KIF3B: variants seen among roughly 807,000 people sequenced by gnomAD.
KIF3B encodes the protein kinesin-like protein KIF3B.
KIF3B carries 38 observed loss-of-function variants against 74.3 expected under a neutral mutation model. That is an observed-to-expected ratio of 0.51 (90% CI 0.39 to 0.67). The LOEUF (loss-of-function observed/expected upper bound fraction) is 0.67, where lower values mean the gene tolerates loss of function less well. Among genes scored for constraint, KIF3B ranks in the 30% least tolerant of loss-of-function variants. The pLI is 0.00. For missense variants in KIF3B, 649 were observed against 932.0 expected, an observed-to-expected ratio of 0.70 and a Z score of 3.95; for synonymous variants, 326 against 342.5, an observed-to-expected ratio of 0.95 and a Z score of 0.53.
chr20:32,312,618 C>T (rs1382784128), intron 2 of KIF3B, among the ~76,000 whole-genome samples: 2 of 152,110 alleles, frequency 1.3e-5, no homozygotes, highest in Non-Finnish European at 2.9e-5. Context: ...TGCAACATTA[C>T]GTTCATGAGA....
intron 4 of KIF3B, 26 bp from the exon 5 acceptor site, chr20:32,316,730 C>A: frequency 6.2e-7 from 1 of 1,612,948 alleles, no homozygotes; most frequent in Non-Finnish European, 8.5e-7. Context: ...AGACACCCTC[C>A]TCACCTGCCT....
intron 2 of KIF3B, among the ~76,000 whole-genome samples, chr20:32,311,480 A>C (rs2047800632): frequency 0.4 from 4 of 10 alleles, 2 homozygotes; most frequent in Non-Finnish European, 1. Flanking sequence ...CGGGCGGATC[A>C]CGAGGTCAGG....
In KIF3B at chr20:32,297,676, A is replaced by G. The variant is rs150058879; in HGVS notation, c.-65-12037A>G. On this transcript the variant is annotated intron_variant, in intron 1 of 8. Coordinates refer to ENST00000375712, the MANE Select transcript of KIF3B (RefSeq NM_004798.4). ...TGTCTACAAGAGCCAGCCAGGAAGTATAAATGAGCAAAGCATGCTAGATAT... is the reference window on the plus strand; with the variant it reads ...TGTCTACAAGAGCCAGCCAGGAAGTGTAAATGAGCAAAGCATGCTAGATAT... Among the ~76,000 whole-genome samples the G allele has an allele frequency of 4.4e-3, 675 of 152,260 alleles. 6 individuals carry two copies. The highest frequency in any genetic ancestry group is 0.015 in the African/African-American group (620 of 41,546).
intron 1 of KIF3B, among the ~76,000 whole-genome samples, chr20:32,302,437 A>G (rs1170019339): frequency 2.6e-5 from 4 of 152,150 alleles, no homozygotes; most frequent in African/African-American, 4.8e-5. Flanking sequence ...CTTTGTTTCT[A>G]TCATTTTGGA....
chr20:32,332,671 G>A lies in KIF3B; in HGVS notation c.*1352G>A, dbSNP rs989125552. 7 of 152,188 alleles carry A rather than the reference G, an allele frequency of 4.6e-5. No individual in the cohort carries two copies. Among genetic ancestry groups the A allele is most frequent in the Non-Finnish European group, 8.8e-5 (6 of 68,048 alleles). 9.4% of individuals were successfully genotyped at this position (152,188 alleles called of 1,614,324 possible). A position where few individuals can be genotyped will look rare whatever the true frequency, so the allele number is the denominator to read the frequency against. On this transcript the variant is annotated 3_prime_UTR_variant, in exon 9 of 9. Transcript: ENST00000375712. ...CAAGAGAAGCTCATAAGTGTGTGTGGGTGTGAGAGCACGATGGTGCCTGTG... is the reference window on the plus strand; with the variant it reads ...CAAGAGAAGCTCATAAGTGTGTGTGAGTGTGAGAGCACGATGGTGCCTGTG...
intron 2 of KIF3B, among the ~76,000 whole-genome samples, chr20:32,314,722 C>T (rs972679648): frequency 1.3e-5 from 2 of 152,092 alleles, no homozygotes; most frequent in Non-Finnish European, 2.9e-5. Flanking sequence ...TTTTGGGGTC[C>T]CATACTTTTT....
At position 32,330,270 on chromosome 20, in the gene KIF3B, G is replaced by C; in HGVS notation, c.2098G>C (p.Val700Leu). ...TCTGCAGGATGAAGATGAGATACAGGTGGATGCATCATCATTTGAAAGCAC... is the reference window on the plus strand; with the variant it reads ...TCTGCAGGATGAAGATGAGATACAGCTGGATGCATCATCATTTGAAAGCAC... ...AALQDEDEIQ[V>L]DASSFESTAN... is the part of the protein sequence containing the mutation. The change falls in exon 8 of 9, where the codon GTG becomes CTG. Residue 700 changes from valine (V) to leucine (L), a missense_variant. Physicochemically the swap from Val to Leu is conservative, Grantham distance 32. This residue lies in a region of KIF3B where 186 missense variants were observed against 198.5 expected (regional missense o/e 0.94). Coordinates refer to ENST00000375712, the MANE Select transcript of KIF3B (RefSeq NM_004798.4). 1 of 1,614,100 alleles carries C rather than the reference G, an allele frequency of 6.2e-7. No homozygotes were observed. Among genetic ancestry groups the C allele is most frequent in the Non-Finnish European group, 8.5e-7 (1 of 1,180,018 alleles).
intron 1 of KIF3B, among the ~76,000 whole-genome samples, chr20:32,284,916 G>T (rs896068181): frequency 6.6e-6 from 1 of 152,164 alleles, no homozygotes; most frequent in African/African-American, 2.4e-5. Flanking sequence ...ATTTCCAGAA[G>T]AGGAAAGTAG....
rs1420210090 is a variant in KIF3B at position 32,310,505 on chromosome 20, T to A, written c.728T>A (p.Leu243His). 6.2e-7 allele frequency: 1 copy of A among 1,613,666 alleles called. No homozygotes were observed. Among genetic ancestry groups the A allele is most frequent in the Admixed American group, 1.7e-5 (1 of 60,024 alleles). The change falls in exon 2 of 9, where the codon CTT becomes CAT. Residue 243 changes from leucine to histidine, a missense_variant. Leu to His is a moderately conservative substitution (Grantham distance 99, BLOSUM62 -3). Coordinates refer to ENST00000375712, the MANE Select transcript of KIF3B (RefSeq NM_004798.4). The surrounding 1 kb of genome is among the most constrained non-coding windows in gnomAD (Gnocchi z 6.5). ...CACATCCGTGTAGGAAAATTGAACC[T>A]TGTAGATCTTGCTGGCAGCGAACGG... The part of the protein sequence containing the change: ...ENHIRVGKLN[L>H]VDLAGSERQA...
chr20:32,313,193 A>G (rs1436785409), intron 2 of KIF3B, among the ~76,000 whole-genome samples: 1 of 152,154 alleles, frequency 6.6e-6, no homozygotes, highest in African/African-American at 2.4e-5. Context: ...GCAATGCACT[A>G]TGCCTGCAGT....
chr20:32,315,441 C>T (rs577722804), intron 2 of KIF3B, among the ~76,000 whole-genome samples: 1 of 152,162 alleles, frequency 6.6e-6, no homozygotes, highest in South Asian at 2.1e-4. Context: ...GCGCTGTGCT[C>T]ATGCCTATAA....
chr20:32,317,776 T>C (rs944880376), intron 5 of KIF3B, among the ~76,000 whole-genome samples: 3 of 151,870 alleles, frequency 2.0e-5, no homozygotes, highest in Admixed American at 6.6e-5. Context: ...TAGCTGGAAC[T>C]ACAGGTGTGT....
chr20:32,294,554 A>G (rs572755655), intron 1 of KIF3B, among the ~76,000 whole-genome samples: 9 of 152,346 alleles, frequency 5.9e-5, no homozygotes, highest in African/African-American at 2.2e-4. Context: ...CCTGCATTTC[A>G]TGAGTATTTA....
intron 1 of KIF3B, among the ~76,000 whole-genome samples, chr20:32,280,714 CAAAAAAAAAAAAAAAAA>C (rs34366324): frequency 1.9e-5 from 1 of 51,346 alleles, no homozygotes; most frequent in Non-Finnish European, 3.4e-5. Flanking sequence ...GACTCCGTCT[CAAAAAAAAAAAAAAAAA>C]AAAAAAAAAG....
chr20:32,322,476 C>T (rs960368770), intron 5 of KIF3B, among the ~76,000 whole-genome samples: 4 of 147,970 alleles, frequency 2.7e-5, no homozygotes, highest in Admixed American at 7.1e-5. Flanking sequence ...GGCGTGGTGG[C>T]GGGTGTCTAT....
rs2047942069 is a variant in KIF3B at position 32,333,661 on chromosome 20, G to GAA, written c.*2344_*2345dup. 9.2e-6 allele frequency: 1 copy of GAA among 108,122 alleles called. No individual in the cohort carries two copies. The highest frequency in any genetic ancestry group is 3.8e-5 in the African/African-American group (1 of 26,136). The allele number at this position is 108,122 out of a possible 1,614,324, so 6.7% of individuals were successfully genotyped here. On this transcript the variant is annotated 3_prime_UTR_variant, in exon 9 of 9. Coordinates refer to ENST00000375712, the MANE Select transcript of KIF3B (RefSeq NM_004798.4). ...AAAAAAAAAAAAAAAAAAAAAAACA[G>GAA]AAAGAAAGAAAAAGAAAACTGCAGA...
intron 5 of KIF3B, among the ~76,000 whole-genome samples, chr20:32,322,800 A>T (rs867689849): frequency 8.5e-5 from 4 of 47,058 alleles, no homozygotes; most frequent in African/African-American, 2.9e-4. Flanking sequence ...TTATATATAT[A>T]TTTATATATA....
intron 1 of KIF3B, among the ~76,000 whole-genome samples, chr20:32,305,774 G>T (rs1310631558): frequency 6.6e-6 from 1 of 150,804 alleles, no homozygotes; most frequent in Non-Finnish European, 1.5e-5. Flanking sequence ...AGTACAGATG[G>T]TGTTTCACCA....
chr20:32,298,003 G>T (rs1319122226), intron 1 of KIF3B, among the ~76,000 whole-genome samples: 1 of 151,990 alleles, frequency 6.6e-6, no homozygotes, highest in Non-Finnish European at 1.5e-5. Context: ...CCAGCTACTT[G>T]GGAGGCTAAG....
Sources: allele counts gnomAD v4.1 joint callset (sites outside exome capture counted in the v4.1 genomes callset), GRCh38; gene constraint gnomAD v4.1.1; regional missense constraint gnomAD v4.1.1; non-coding constraint Gnocchi (gnomAD v3.1); transcripts MANE v1.5; gene names NCBI Gene and HGNC (gene_info 2026-07-23, HGNC 2026-07-21).